The following CANX variants were observed in gnomAD, a reference collection of about 807,000 sequenced individuals.
The protein encoded by CANX is epididymis secretory sperm binding protein.
In CANX, 14 loss-of-function variants were observed where a neutral mutation model predicts 75.7. The ratio of observed to expected loss-of-function variants is 0.19; its 90% CI spans 0.12 to 0.29. The LOEUF (loss-of-function observed/expected upper bound fraction) is 0.29. Among genes scored for constraint, CANX ranks in the 10% least tolerant of loss-of-function variants. The pLI, the probability that CANX is intolerant of heterozygous loss-of-function variation, is 1.00. For synonymous variants in CANX, 227 were observed against 236.9 expected, an observed-to-expected ratio of 0.96 and a Z score of 0.38; for missense variants, 567 against 713.2, an observed-to-expected ratio of 0.79 and a Z score of 2.34.
intron 1 of CANX, among the ~76,000 whole-genome samples, chr5:179,684,452 T>G (rs1235876684): frequency 1.3e-5 from 2 of 150,808 alleles, no homozygotes; most frequent in Admixed American, 6.7e-5. Context: ...CCATTCTCCT[T>G]CCTTAGCCTC....
At chr5:179,696,193 G>C (rs11739941), upstream of CANX, among the ~76,000 whole-genome samples, 107,351 of 150,738 alleles carry the variant, frequency 0.71, 40,686 homozygotes, top group Non-Finnish European at 0.84. Flanking sequence ...TGCTGAATTA[G>C]AGGCATGAGC....
intron 1 of CANX, among the ~76,000 whole-genome samples, chr5:179,682,567 G>A (rs868625047): frequency 5.3e-5 from 8 of 151,998 alleles, no homozygotes; most frequent in Middle Eastern, 3.4e-3. Flanking sequence ...AAAATTAGCC[G>A]GGCATGGTGG....
rs1030423334 is a variant in CANX, at chr5:179,683,843, AT to A, written c.-4+5074del. On this transcript the variant is annotated intron_variant, in intron 1 of 14. Transcript: ENST00000681674. Reference sequence around the variant, plus strand: ...GCCACCGCGCCCAGCCTCAGTATAGATTTTTTTTGGCATTGGCTTCTCGCCG... The same window carrying A: ...GCCACCGCGCCCAGCCTCAGTATAGATTTTTTTGGCATTGGCTTCTCGCCG... 9.2e-5 allele frequency among the ~76,000 whole-genome samples: 14 copies of A among 152,052 alleles called. No individual in the cohort carries two copies. In the East Asian group the frequency reaches 2.7e-3, roughly 29 times the overall value.
chr5:179,687,232 A>G (rs1307185639), intron 1 of CANX, among the ~76,000 whole-genome samples: 2 of 152,048 alleles, frequency 1.3e-5, no homozygotes, highest in Non-Finnish European at 2.9e-5. Context: ...CCTCCCAAAT[A>G]GCTGGGACTA....
upstream of CANX, among the ~76,000 whole-genome samples, chr5:179,697,910 T>A (rs1441728029): frequency 6.6e-6 from 1 of 151,782 alleles, no homozygotes; most frequent in East Asian, 1.9e-4. Flanking sequence ...ATAAAAAAAA[T>A]TTGGGGGTTG....
intron 1 of CANX, among the ~76,000 whole-genome samples, chr5:179,687,542 T>C (rs1776212423): frequency 6.6e-6 from 1 of 152,220 alleles, no homozygotes; most frequent in Non-Finnish European, 1.5e-5. Context: ...AATTTTAGAA[T>C]TTGATTGTCA....
chr5:179,705,580 G>C (rs1344349569), intron 1 of CANX, 99 bp from the exon 2 acceptor site: 1 of 862,542 alleles, frequency 1.2e-6, no homozygotes, highest in South Asian at 1.8e-5. Flanking sequence ...TTAGCTCTGC[G>C]ATTTAAAAGC....
At chr5:179,715,933 T>C (rs745619680) in intron 7 of CANX, 172 bp from the exon 8 acceptor site, 2 of 692,472 alleles carry the variant, frequency 2.9e-6, no homozygotes, top group South Asian at 3.0e-5. Flanking sequence ...GTTTCGTGCA[T>C]AAGGAAATGG....
At chr5:179,680,134 T>C (rs1452751792) in intron 1 of CANX, among the ~76,000 whole-genome samples, 1 of 152,012 alleles carries the variant, frequency 6.6e-6, no homozygotes, top group Non-Finnish European at 1.5e-5. Flanking sequence ...ATATTTCAGA[T>C]GTGAACACGA....
upstream of CANX, chr5:179,694,774 G>T: frequency 2.0e-6 from 1 of 510,216 alleles, no homozygotes; most frequent in Non-Finnish European, 3.5e-6. Context: ...AATAAACAAA[G>T]TGTTTATCTG....
At chr5:179,713,462 G>A (rs1283377139) in intron 7 of CANX, among the ~76,000 whole-genome samples, 1 of 152,174 alleles carries the variant, frequency 6.6e-6, no homozygotes, top group African/African-American at 2.4e-5. Flanking sequence ...CACTTAAAGC[G>A]AGGGAGAGGG....
At chr5:179,694,806 G>A (rs976348055), upstream of CANX, 1 of 514,516 alleles carries the variant, frequency 1.9e-6, no homozygotes, top group African/African-American at 1.9e-5. Context: ...AAAGTAAATG[G>A]ATAAAAATGT....
At chr5:179,720,877 G>A (rs1238284126) in intron 10 of CANX, among the ~76,000 whole-genome samples, 6 of 152,016 alleles carry the variant, frequency 3.9e-5, no homozygotes, top group South Asian at 2.1e-4. Context: ...TCTGCCTTCC[G>A]GTTTCAAGCG....
At chr5:179,690,855 T>C (rs1169431186) in intron 1 of CANX, among the ~76,000 whole-genome samples, 2 of 151,490 alleles carry the variant, frequency 1.3e-5, no homozygotes, top group Non-Finnish European at 2.9e-5. Flanking sequence ...TGCCACTGCA[T>C]TCCAGCCTGG....
intron 7 of CANX, among the ~76,000 whole-genome samples, chr5:179,711,480 A>G (rs1304109762): frequency 1.3e-5 from 2 of 152,068 alleles, no homozygotes; most frequent in Non-Finnish European, 2.9e-5. Flanking sequence ...GGTTCGAGAT[A>G]ATTTTAAGAA....
chr5:179,685,006 G>A (rs1331569479), intron 1 of CANX, among the ~76,000 whole-genome samples: 1 of 123,296 alleles, frequency 8.1e-6, no homozygotes, highest in Admixed American at 1.1e-4. Flanking sequence ...TTGAACTCCC[G>A]ACCTCAAGTG....
chr5:179,688,182 C>G (rs1289950719), intron 1 of CANX, among the ~76,000 whole-genome samples: 1 of 149,508 alleles, frequency 6.7e-6, no homozygotes, highest in Admixed American at 6.7e-5. Flanking sequence ...CTCAGCCTCC[C>G]GAGTAGCTGG....
At chr5:179,685,659 A>AT (rs1326009190) in intron 1 of CANX, among the ~76,000 whole-genome samples, 2 of 145,654 alleles carry the variant, frequency 1.4e-5, no homozygotes, top group African/African-American at 2.6e-5. Context: ...GGTTCAAGAG[A>AT]TACTCCTGCC....
chr5:179,713,518 A>G (rs1438038118), intron 7 of CANX, among the ~76,000 whole-genome samples: 2 of 152,234 alleles, frequency 1.3e-5, no homozygotes, highest in East Asian at 1.9e-4. Flanking sequence ...GGTAGAAGGA[A>G]TAAATTCTAA....
Sources: gnomAD v4.1 joint callset for allele counts (sites outside exome capture counted in the v4.1 genomes callset) on GRCh38, gnomAD v4.1.1 for gene constraint, MANE v1.5 for transcripts, NCBI Gene and HGNC (gene_info 2026-07-23, HGNC 2026-07-21) for gene names.